Variants in ATP8B4 observed in about 807,000 individuals in gnomAD.
ATP8B4 encodes the protein probable phospholipid-transporting ATPase IM.
In ATP8B4, 133 loss-of-function variants were observed where a neutral mutation model predicts 145.6. The observed-to-expected ratio is 0.91, with a 90% CI of 0.79 to 1.05. ATP8B4 has a LOEUF of 1.05. Ranked by LOEUF, ATP8B4 falls within the 50% of genes least tolerant of loss-of-function variation. ATP8B4 has a pLI of 0.00. For synonymous variants in ATP8B4, 507 were observed against 492.9 expected (o/e 1.03, Z -0.38); for missense variants, 1,458 against 1,425.2 (o/e 1.02, Z -0.37).
intron 25 of ATP8B4, among the ~76,000 whole-genome samples, chr15:49,871,921 G>A (rs963313883): frequency 1.3e-5 from 2 of 152,172 alleles, no homozygotes; most frequent in Non-Finnish European, 1.5e-5. Flanking sequence ...GGAGAAATTA[G>A]GTAGGGGAGA....
chr15:49,953,113 G>T (rs761364078), intron 14 of ATP8B4, among the ~76,000 whole-genome samples: 50 of 152,172 alleles, frequency 3.3e-4, no homozygotes, highest in Non-Finnish European at 4.1e-4. Context: ...ACCTCGAGGG[G>T]CACCAACCTG....
In ATP8B4 at chr15:49,860,145, G is replaced by T. The variant is rs775292955; in HGVS notation, c.*49C>A. The T allele has an allele frequency of 1.3e-6, 2 of 1,541,748 alleles. No homozygotes were observed. The highest frequency in any genetic ancestry group is 4.5e-5 in the East Asian group (2 of 44,288). Reference sequence around the variant, plus strand: ...AAACTCTGGAGCCAGCAGAATTTCAGCTCCACCTGAAGTGAAAAGATAACT... The same window carrying T: ...AAACTCTGGAGCCAGCAGAATTTCATCTCCACCTGAAGTGAAAAGATAACT... On this transcript the variant is annotated 3_prime_UTR_variant, in exon 28 of 28. Transcript: ENST00000284509.
intron 2 of ATP8B4, among the ~76,000 whole-genome samples, chr15:50,103,385 A>G (rs2056487237): frequency 6.6e-6 from 1 of 152,120 alleles, no homozygotes; most frequent in African/African-American, 2.4e-5. Context: ...CGGTAAATGA[A>G]TTCATCAGTT....
intron 1 of ATP8B4, among the ~76,000 whole-genome samples, chr15:50,158,813 C>T (rs2044471394): frequency 6.6e-6 from 1 of 152,206 alleles, no homozygotes; most frequent in South Asian, 2.1e-4. Context: ...ACCCCCAACC[C>T]TGTGCTCTCT....
chr15:49,924,253 A>G (rs2040514010), intron 16 of ATP8B4, among the ~76,000 whole-genome samples: 1 of 151,934 alleles, frequency 6.6e-6, no homozygotes, highest in Non-Finnish European at 1.5e-5. Flanking sequence ...ACCACAGAAC[A>G]CTTGGCCTAA....
At chr15:49,956,702 T>C (rs1418114217) in intron 14 of ATP8B4, among the ~76,000 whole-genome samples, 1 of 152,030 alleles carries the variant, frequency 6.6e-6, no homozygotes, top group Non-Finnish European at 1.5e-5. Flanking sequence ...CCAGCATGCC[T>C]AGCTAATTGG....
chr15:49,907,733 C>G (rs1281377087), intron 20 of ATP8B4, among the ~76,000 whole-genome samples: 1 of 152,230 alleles, frequency 6.6e-6, no homozygotes, highest in Non-Finnish European at 1.5e-5. Flanking sequence ...AAGTTTCCCA[C>G]TCAGCCTAAG....
intron 23 of ATP8B4, among the ~76,000 whole-genome samples, chr15:49,882,940 A>T (rs1157322690): frequency 6.6e-6 from 1 of 152,246 alleles, no homozygotes; most frequent in Non-Finnish European, 1.5e-5. Context: ...TAAAAAATTT[A>T]AAAATTAAAC....
chr15:50,045,054 A>AGATT (rs1204080152), intron 4 of ATP8B4, among the ~76,000 whole-genome samples: 4 of 152,214 alleles, frequency 2.6e-5, no homozygotes, highest in African/African-American at 9.6e-5. Flanking sequence ...TCCCAAAGAG[A>AGATT]GATTGTTTGA....
chr15:49,899,231 A>G (rs530631647), intron 21 of ATP8B4, among the ~76,000 whole-genome samples: 1 of 152,210 alleles, frequency 6.6e-6, no homozygotes, highest in Admixed American at 6.5e-5. Flanking sequence ...CTACTTGAAA[A>G]TATCACTCTC....
chr15:50,069,524 A>T, intron 3 of ATP8B4, among the ~76,000 whole-genome samples: 1 of 152,202 alleles, frequency 6.6e-6, no homozygotes, highest in South Asian at 2.1e-4. Context: ...ATTCTTACCT[A>T]TAAAAGCCCA....
At chr15:49,876,650 G>T in intron 24 of ATP8B4, 127 bp from the exon 25 acceptor site, 1 of 1,254,876 alleles carries the variant, frequency 8.0e-7, no homozygotes, top group Non-Finnish European at 1.1e-6. Flanking sequence ...CACTGGGCCA[G>T]AACAGGACAT....
At chr15:50,092,788 T>C (rs1266495140) in intron 2 of ATP8B4, among the ~76,000 whole-genome samples, 1 of 151,960 alleles carries the variant, frequency 6.6e-6, no homozygotes, top group East Asian at 1.9e-4. Context: ...GAATAGGGGA[T>C]AGAAACATGA....
At chr15:49,978,124 G>A (rs1409760061) in intron 12 of ATP8B4, among the ~76,000 whole-genome samples, 1 of 152,162 alleles carries the variant, frequency 6.6e-6, no homozygotes, top group African/African-American at 2.4e-5. Context: ...TTCAAAGAAA[G>A]AATGTATACA....
intron 23 of ATP8B4, among the ~76,000 whole-genome samples, chr15:49,890,238 A>G (rs2036641634): frequency 6.6e-6 from 1 of 152,150 alleles, no homozygotes; most frequent in South Asian, 2.1e-4. Flanking sequence ...GCATTGGACA[A>G]TATGTGTGAG....
intron 11 of ATP8B4, among the ~76,000 whole-genome samples, chr15:49,980,277 C>T (rs565818105): frequency 2.8e-4 from 43 of 152,210 alleles, no homozygotes; most frequent in Admixed American, 2.8e-3. Flanking sequence ...ATTCAGAGTC[C>T]AATTGTTACA....
chr15:50,172,915 C>T (rs1196303169), intron 1 of ATP8B4, among the ~76,000 whole-genome samples: 1 of 151,364 alleles, frequency 6.6e-6, no homozygotes, highest in African/African-American at 2.4e-5. Flanking sequence ...GGCAGCCGCC[C>T]CGTCCGGGAA....
intron 13 of ATP8B4, among the ~76,000 whole-genome samples, chr15:49,967,256 G>A (rs1201500360): frequency 6.6e-6 from 1 of 152,118 alleles, no homozygotes; most frequent in Non-Finnish European, 1.5e-5. Context: ...GAACAAAACT[G>A]GACAGAGAAT....
chr15:50,098,041 G>A (rs1226441904), intron 2 of ATP8B4, among the ~76,000 whole-genome samples: 1 of 152,088 alleles, frequency 6.6e-6, no homozygotes, highest in Non-Finnish European at 1.5e-5. Context: ...GACTCATGTT[G>A]TTTCTGTCAT....
Sources: allele counts gnomAD v4.1 joint callset (sites outside exome capture counted in the v4.1 genomes callset), GRCh38; gene constraint gnomAD v4.1.1; transcripts MANE v1.5; gene names NCBI Gene and HGNC (gene_info 2026-07-23, HGNC 2026-07-21).